Variants in RUFY2 observed in about 807,000 individuals in gnomAD.
RUFY2 encodes the protein RUN and FYVE domain containing 2.
Under a neutral mutation model 94.4 loss-of-function variants are expected in RUFY2, and 49 were observed. The ratio of observed to expected loss-of-function variants is 0.52; its 90% CI spans 0.41 to 0.66. RUFY2 has a LOEUF of 0.66. Ranked by LOEUF, RUFY2 falls within the 30% of genes least tolerant of loss-of-function variation. The pLI is 0.00. For synonymous variants in RUFY2, 255 were observed against 235.7 expected, an observed-to-expected ratio of 1.08 and a Z score of -0.75; for missense variants, 541 against 692.8, an observed-to-expected ratio of 0.78 and a Z score of 2.46.
intron 7 of RUFY2, among the ~76,000 whole-genome samples, chr10:68,391,905 G>A (rs946011002): frequency 6.8e-6 from 1 of 147,230 alleles, no homozygotes; most frequent in Non-Finnish European, 1.5e-5. Context: ...GGCAGAGGTT[G>A]CAGTGAGCTG....
intron 14 of RUFY2, 59 bp from the exon 15 acceptor site, chr10:68,363,743 A>G (rs1210151918): frequency 2.8e-6 from 3 of 1,079,458 alleles, no homozygotes; most frequent in Non-Finnish European, 4.0e-6. Flanking sequence ...GAAACTCCAG[A>G]TTGTACATAT....
chr10:68,342,026 G>A (rs2045998191), downstream of RUFY2: 1 of 1,613,972 alleles, frequency 6.2e-7, no homozygotes, highest in Non-Finnish European at 8.5e-7. Context: ...GGCGGCATGA[G>A]TGGAGGTGGA....
chr10:68,372,948 C>A (rs374393286), intron 13 of RUFY2, among the ~76,000 whole-genome samples: 6 of 151,188 alleles, frequency 4.0e-5, no homozygotes, highest in Non-Finnish European at 7.4e-5. Context: ...CAGACACACA[C>A]AAAAAAACTT....
chr10:68,383,647 G>A, intron 10 of RUFY2, 151 bp downstream of exon 10: 1 of 669,398 alleles, frequency 1.5e-6, no homozygotes, highest in Non-Finnish European at 2.7e-6. Flanking sequence ...TTGATATAGT[G>A]GAAGCTTAGA....
chr10:68,366,077 A>G (rs999978647), intron 13 of RUFY2, among the ~76,000 whole-genome samples: 13 of 152,186 alleles, frequency 8.5e-5, no homozygotes, highest in Admixed American at 7.2e-4. Context: ...CTGTAATCAC[A>G]AAACTTTGGG....
At chr10:68,352,901 C>T (rs2046784901) in intron 16 of RUFY2, among the ~76,000 whole-genome samples, 1 of 150,730 alleles carries the variant, frequency 6.6e-6, no homozygotes, top group Non-Finnish European at 1.5e-5. Context: ...GCCTGGGCAA[C>T]AGAGGGAGAC....
rs979716717 is a variant in RUFY2, at chr10:68,407,228, C to G, written c.-39G>C. 20 of 1,376,048 alleles carry G rather than the reference C, an allele frequency of 1.5e-5. No homozygotes were observed. The African/African-American group carries it at 3.1e-4, about 21-fold the overall frequency. The allele number at this position is 1,376,048 out of a possible 1,614,324, so 85.2% of individuals were successfully genotyped here. A position where few individuals can be genotyped will look rare whatever the true frequency, so the allele number is the denominator to read the frequency against. On this transcript the variant is annotated 5_prime_UTR_variant, in exon 1 of 18. Coordinates refer to ENST00000602465, the MANE Select transcript of RUFY2 (RefSeq NM_001330103.2). ...GCGCGGTCTCGGGCGGAGGCTCCCT[C>G]GGCCTGTCCAGCAGCTCCTTCCAGG...
In RUFY2 at chr10:68,346,076, A is replaced by C; in HGVS notation, c.1608T>G (p.Val536=). Residue 536 remains valine, a synonymous_variant, in exon 17 of 18, where the codon GTT becomes GTG. Coordinates refer to ENST00000602465, the MANE Select transcript of RUFY2 (RefSeq NM_001330103.2). ...GTGTTGCTTCTTTGTCTTTCAGCCA[A>C]ACCAGTCCCTAGTAGGAAGAAAATA... ...KEANKALQGL[V]WLKDKEATHC... 1 of 1,612,858 alleles carries C rather than the reference A, an allele frequency of 6.2e-7. No individual in the cohort carries two copies. The highest frequency in any genetic ancestry group is 8.5e-7 in the Non-Finnish European group (1 of 1,179,368).
intron 16 of RUFY2, 22 bp downstream of exon 16, chr10:68,355,331 T>G: frequency 1.3e-6 from 2 of 1,585,932 alleles, no homozygotes; most frequent in African/African-American, 1.3e-5. Context: ...ACCTTCCCAC[T>G]TTAGGAAAAC....
At chr10:68,351,484 C>T (rs910065205) in intron 16 of RUFY2, among the ~76,000 whole-genome samples, 2 of 126,158 alleles carry the variant, frequency 1.6e-5, no homozygotes, top group African/African-American at 3.0e-5. Flanking sequence ...GAATCTTGCT[C>T]TGTCGCCCAG....
intron 7 of RUFY2, 98 bp downstream of exon 7, chr10:68,393,040 C>T: frequency 2.0e-6 from 1 of 508,870 alleles, no homozygotes; most frequent in African/African-American, 2.0e-5. Flanking sequence ...AACCCCTTCT[C>T]AAAGACTCTT....
rs528594149 is a variant in RUFY2 at position 68,358,863 on chromosome 10, A to G, written c.1551-3462T>C. ...GAGGCAGATGTTGCAGTGAGCCAAG[A>G]TCACGCCACTGCACTCCAGCCTGGG... is the stretch of plus-strand genomic sequence containing the variant. On this transcript the variant is annotated intron_variant, in intron 15 of 17. Transcript: ENST00000602465. 7.3e-4 allele frequency among the ~76,000 whole-genome samples: 111 copies of G among 152,156 alleles called. No homozygotes were observed. In the Middle Eastern group the frequency reaches 0.01, roughly 14 times the overall value.
In RUFY2 at chr10:68,406,866, C is replaced by T; in HGVS notation, c.4+320G>A. On this transcript the variant is annotated intron_variant, in intron 1 of 17. Coordinates refer to ENST00000602465, the MANE Select transcript of RUFY2 (RefSeq NM_001330103.2). ...ACCCCCAAACCTGAAAAGTCATCGC[C>T]CCTCCCCGCCTGCTCCCCGACCCGG... is the stretch of plus-strand genomic sequence containing the variant. The T allele has an allele frequency of 3.1e-6, 5 of 1,607,308 alleles. No individual in the cohort carries two copies. The South Asian group carries it at 3.3e-5, about 11-fold the overall frequency.
At position 68,373,362 on chromosome 10, in the gene RUFY2, C is replaced by T. The variant is rs543486060; in HGVS notation, c.1325+3491G>A. ...ATAGAGGAACAACAAACAGGAAAAA[C>T]AAATTAAACAATAAAATGGCAGACT... On this transcript the variant is annotated intron_variant, in intron 13 of 17. Transcript: ENST00000602465. Among the ~76,000 whole-genome samples, 6 of 152,184 alleles carry T rather than the reference C, an allele frequency of 3.9e-5. No homozygotes were observed. In the East Asian group the frequency reaches 1.2e-3, roughly 29 times the overall value.
At chr10:68,351,781 G>A (rs1365114881) in intron 16 of RUFY2, among the ~76,000 whole-genome samples, 1 of 150,216 alleles carries the variant, frequency 6.7e-6, no homozygotes, top group Non-Finnish European at 1.5e-5. Flanking sequence ...ATACGGCCTG[G>A]CAAGGTGGCT....
chr10:68,341,720 T>C, downstream of RUFY2: 3 of 1,585,766 alleles, frequency 1.9e-6, no homozygotes, highest in Non-Finnish European at 2.6e-6. Flanking sequence ...TAGCTGCTTA[T>C]CGATGAGTCT....
chr10:68,398,659 T>C (rs2050587343), intron 3 of RUFY2, among the ~76,000 whole-genome samples: 1 of 151,648 alleles, frequency 6.6e-6, no homozygotes, highest in Non-Finnish European at 1.5e-5. Context: ...CTCCATAAAA[T>C]ATAATAATAA....
chr10:68,404,234 A>G (rs2051095171), intron 2 of RUFY2, among the ~76,000 whole-genome samples: 1 of 152,220 alleles, frequency 6.6e-6, no homozygotes, highest in African/African-American at 2.4e-5. Flanking sequence ...ACATTTCTAC[A>G]ATAACTCCAT....
chr10:68,377,217 T>A, intron 12 of RUFY2: 3 of 1,341,488 alleles, frequency 2.2e-6, no homozygotes, highest in Non-Finnish European at 2.9e-6. Flanking sequence ...TTGTTTTATT[T>A]CTTGTTCATA....
Sources: gnomAD v4.1 joint callset for allele counts (sites outside exome capture counted in the v4.1 genomes callset) on GRCh38, gnomAD v4.1.1 for gene constraint, MANE v1.5 for transcripts, NCBI Gene and HGNC (gene_info 2026-07-23, HGNC 2026-07-21) for gene names.